DOCK1: variants seen among roughly 807,000 people sequenced by gnomAD.
DOCK1 encodes the protein dedicator of cytokinesis 1.
DOCK1 carries 138 observed loss-of-function variants against 262.7 expected under a neutral mutation model. That is an observed-to-expected ratio of 0.53 (90% CI 0.46 to 0.61). The LOEUF is 0.61. DOCK1 is among the 20% of genes least tolerant of loss of function. The probability of loss-of-function intolerance (pLI) is 0.00; values close to 1 mark genes in which losing one functional copy is unlikely to be tolerated. For synonymous variants in DOCK1, 866 were observed against 867.4 expected, an observed-to-expected ratio of 1.00 and a Z score of 0.03; for missense variants, 1,908 against 2,370.7, an observed-to-expected ratio of 0.80 and a Z score of 4.05.
intron 38 of DOCK1, among the ~76,000 whole-genome samples, chr10:127,387,449 G>A (rs979272674): frequency 7.9e-5 from 12 of 152,172 alleles, no homozygotes; most frequent in African/African-American, 2.4e-4. Flanking sequence ...AGGACCACGC[G>A]TGCATGGTGG....
intron 29 of DOCK1, among the ~76,000 whole-genome samples, chr10:127,331,430 T>C (rs911858501): frequency 2.0e-5 from 3 of 152,146 alleles, no homozygotes; most frequent in Non-Finnish European, 2.9e-5. Context: ...TACAGACGCC[T>C]GCCACCATGC....
At chr10:127,277,586 C>G (rs2135243803) in intron 29 of DOCK1, among the ~76,000 whole-genome samples, 1 of 152,156 alleles carries the variant, frequency 6.6e-6, no homozygotes, top group Non-Finnish European at 1.5e-5. Context: ...GGTGAAACCT[C>G]GTCTCTACTA....
chr10:126,912,761 G>A (rs2031995496), intron 1 of DOCK1, among the ~76,000 whole-genome samples: 1 of 150,726 alleles, frequency 6.6e-6, no homozygotes, highest in African/African-American at 2.4e-5. Flanking sequence ...AAGGACACTA[G>A]TCATGCTGGA....
rs141922232 is a variant in DOCK1, at chr10:127,012,177, A to G, written c.1059-55A>G. 6.8e-5 allele frequency: 63 copies of G among 931,452 alleles called. No individual in the cohort carries two copies. The African/African-American group carries it at 8.7e-4, about 13-fold the overall frequency. The allele number at this position is 931,452 out of a possible 1,614,324, so 57.7% of individuals were successfully genotyped here. Reference sequence around the variant, plus strand: ...TTATGTTCCCTTGTTACCGTGGCCCATGGGTCTCTGTGCCCCTTTGTCTCC... The same window carrying G: ...TTATGTTCCCTTGTTACCGTGGCCCGTGGGTCTCTGTGCCCCTTTGTCTCC... On this transcript the variant is annotated intron_variant, in intron 11 of 51. Transcript: ENST00000623213. This position sits in a 1 kb window ranked among gnomAD's most constrained non-coding sequence, Gnocchi z 4.0.
intron 1 of DOCK1, among the ~76,000 whole-genome samples, chr10:126,919,920 G>A (rs2033003963): frequency 6.6e-6 from 1 of 152,230 alleles, no homozygotes; most frequent in Non-Finnish European, 1.5e-5. Context: ...GTCATGAACT[G>A]CCTGGAGAAC....
chr10:127,205,978 T>A (rs761986194), intron 27 of DOCK1, among the ~76,000 whole-genome samples: 6 of 152,156 alleles, frequency 3.9e-5, no homozygotes, highest in Admixed American at 6.5e-5. Flanking sequence ...TATCAACAAG[T>A]AAACCTTACC....
intron 29 of DOCK1, among the ~76,000 whole-genome samples, chr10:127,264,853 G>C (rs780695364): frequency 2.6e-5 from 4 of 152,276 alleles, no homozygotes; most frequent in African/African-American, 7.2e-5. Flanking sequence ...TTTTCTTGGA[G>C]AGATGGGGTT....
intron 1 of DOCK1, among the ~76,000 whole-genome samples, chr10:126,917,788 G>C (rs2032676964): frequency 6.6e-6 from 1 of 152,136 alleles, no homozygotes; most frequent in South Asian, 2.1e-4. Context: ...GGAGAGTGGG[G>C]AGGAGATGTG....
At chr10:127,217,528 A>G (rs964448716) in intron 27 of DOCK1, among the ~76,000 whole-genome samples, 8 of 152,164 alleles carry the variant, frequency 5.3e-5, no homozygotes, top group African/African-American at 1.9e-4. Context: ...CTTTATTTTC[A>G]GTTATTAAAT....
At chr10:127,254,981 T>C (rs939629454) in intron 28 of DOCK1, among the ~76,000 whole-genome samples, 5 of 152,196 alleles carry the variant, frequency 3.3e-5, no homozygotes, top group African/African-American at 1.2e-4. Flanking sequence ...TGTTTTATTC[T>C]AGTGGGTGGG....
intron 1 of DOCK1, among the ~76,000 whole-genome samples, chr10:126,944,227 A>G (rs1447466929): frequency 6.6e-6 from 1 of 150,914 alleles, no homozygotes; most frequent in Non-Finnish European, 1.5e-5. Context: ...GGAAGTGTCT[A>G]GGCCTGGATG....
intron 29 of DOCK1, among the ~76,000 whole-genome samples, chr10:127,292,545 G>A (rs781482849): frequency 1.2e-4 from 19 of 152,276 alleles, no homozygotes; most frequent in Non-Finnish European, 2.5e-4. Flanking sequence ...GGGCCTTGGG[G>A]CTGTGGAGTC....
At chr10:127,375,847 A>G (rs559636600) in intron 35 of DOCK1, among the ~76,000 whole-genome samples, 1 of 152,320 alleles carries the variant, frequency 6.6e-6, no homozygotes, top group African/African-American at 2.4e-5. Flanking sequence ...ACAAGAAAAA[A>G]GCTGAACAAA....
chr10:127,347,830 CAGCCTT>C (rs2063704042), intron 31 of DOCK1, among the ~76,000 whole-genome samples: 42 of 107,174 alleles, frequency 3.9e-4, no homozygotes, highest in African/African-American at 1.4e-3. Flanking sequence ...CCCAACCCCT[CAGCCTT>C]CCCTTCCCTT....
At position 127,257,356 on chromosome 10, in the gene DOCK1, A is replaced by C; in HGVS notation, c.2971A>C (p.Ile991Leu). ...TCAGGATTTCCTAATGGAAACATTC[A>C]TCATGTTTAAGAACCTCATTGGAAA... ...DVVDFLMETF[I>L]MFKNLIGKNV... The change falls in exon 29 of 52, where the codon ATC becomes CTC. Residue 991 changes from isoleucine to leucine, a missense_variant. Around this residue, in one of 9 missense-constraint regions of DOCK1, gnomAD observed 518 missense variants for 575.1 expected, o/e 0.90. Transcript: ENST00000623213. The C allele has an allele frequency of 6.2e-7, 1 of 1,602,308 alleles. No individual in the cohort carries two copies. The highest frequency in any genetic ancestry group is 8.5e-7 in the Non-Finnish European group (1 of 1,173,432).
intron 23 of DOCK1, among the ~76,000 whole-genome samples, chr10:127,082,664 G>A (rs1265375437): frequency 2.6e-5 from 4 of 152,062 alleles, no homozygotes; most frequent in Non-Finnish European, 5.9e-5. Flanking sequence ...TGGGGAGACA[G>A]CCCAAACCAT....
At chr10:127,262,944 C>T (rs945455322) in intron 29 of DOCK1, among the ~76,000 whole-genome samples, 2 of 152,116 alleles carry the variant, frequency 1.3e-5, no homozygotes, top group African/African-American at 2.4e-5. Context: ...GAGAGCTGGG[C>T]GGTGTTAGTG....
At chr10:127,392,414 G>A (rs6482855) in intron 38 of DOCK1, among the ~76,000 whole-genome samples, 70,807 of 151,684 alleles carry the variant, frequency 0.47, 16,885 homozygotes, top group African/African-American at 0.51. Context: ...AGGGAGCTGT[G>A]CCGTGGCCTG....
At chr10:127,218,351 A>C (rs2058298122) in intron 27 of DOCK1, among the ~76,000 whole-genome samples, 1 of 152,340 alleles carries the variant, frequency 6.6e-6, no homozygotes, top group Middle Eastern at 3.4e-3. Context: ...AAACTTTTGA[A>C]CTTCAAGGGA....
Sources: gnomAD v4.1 joint callset for allele counts (sites outside exome capture counted in the v4.1 genomes callset) on GRCh38, gnomAD v4.1.1 for gene constraint, gnomAD v4.1.1 regional missense constraint, Gnocchi (gnomAD v3.1) non-coding constraint, MANE v1.5 for transcripts, NCBI Gene and HGNC (gene_info 2026-07-23, HGNC 2026-07-21) for gene names.